NEK6: variants seen among roughly 807,000 people sequenced by gnomAD.
NEK6 encodes serine/threonine-protein kinase Nek6.
A neutral mutation model predicts 43.5 loss-of-function variants in NEK6; 27 were observed. That is an observed-to-expected ratio of 0.62 (90% CI 0.46 to 0.86). The LOEUF is 0.86. Ranked by LOEUF, NEK6 falls within the 40% of genes least tolerant of loss-of-function variation. The pLI is 0.00. For missense variants in NEK6, 318 were observed against 414.4 expected, an observed-to-expected ratio of 0.77 and a Z score of 2.02; for synonymous variants, 167 against 164.1, an observed-to-expected ratio of 1.02 and a Z score of -0.14.
chr9:124,267,741 C>T (rs530640739), intron 1 of NEK6, among the ~76,000 whole-genome samples: 14 of 152,318 alleles, frequency 9.2e-5, no homozygotes, highest in South Asian at 6.2e-4. Flanking sequence ...CAGCAAGGGA[C>T]GGCTGAGCAC....
chr9:124,262,024 A>G (rs1831051940), intron 1 of NEK6, among the ~76,000 whole-genome samples: 1 of 151,004 alleles, frequency 6.6e-6, no homozygotes, highest in Non-Finnish European at 1.5e-5. Context: ...TACATGGAAC[A>G]TGGAGCTCTG....
intron 1 of NEK6, chr9:124,292,955 A>G (rs1453763413): frequency 6.4e-7 from 1 of 1,572,442 alleles, no homozygotes; most frequent in African/African-American, 1.4e-5. Flanking sequence ...CCAGGAGAGA[A>G]GTTTGCTGGG....
chr9:124,301,373 A>C (rs979874426), intron 1 of NEK6, among the ~76,000 whole-genome samples: 8 of 152,166 alleles, frequency 5.3e-5, no homozygotes, highest in African/African-American at 1.7e-4. Flanking sequence ...ACAGAGGTCT[A>C]AGTAGGACGG....
chr9:124,335,035 T>G (rs1222922719), intron 7 of NEK6, among the ~76,000 whole-genome samples: 1 of 152,172 alleles, frequency 6.6e-6, no homozygotes, highest in Non-Finnish European at 1.5e-5. Context: ...TGTCTCTCAC[T>G]GGGGACAGGA....
chr9:124,302,012 C>T lies in NEK6; in HGVS notation c.48C>T (p.Asn16=), dbSNP rs145488745. ...GHMPHGGSSN[N]LCHTLGPVHP... ...TGCCCCATGGAGGGAGTTCCAACAA[C>T]CTCTGCCACACCCTGGGGCCTGTGC... The change falls in exon 2 of 10, where the codon AAC becomes AAT. Residue 16 remains asparagine (N), a synonymous_variant. Coordinates refer to ENST00000320246, the MANE Select transcript of NEK6 (RefSeq NM_014397.6). The T allele has an allele frequency of 5.6e-6, 9 of 1,606,518 alleles. No individual in the cohort carries two copies. The highest frequency in any genetic ancestry group is 7.6e-6 in the Non-Finnish European group (9 of 1,176,566).
intron 1 of NEK6, among the ~76,000 whole-genome samples, chr9:124,268,485 C>G (rs1452149078): frequency 6.6e-6 from 1 of 152,178 alleles, no homozygotes; most frequent in African/African-American, 2.4e-5. Context: ...ATTTAACAAC[C>G]ACCTACTGTG....
In NEK6 at chr9:124,316,311, T is replaced by C. The variant is rs192819103; in HGVS notation, c.294+2326T>C. 3.3e-5 allele frequency among the ~76,000 whole-genome samples: 5 copies of C among 152,386 alleles called. No homozygotes were observed. In the East Asian group the frequency reaches 9.6e-4, roughly 29 times the overall value. On this transcript the variant is annotated intron_variant, in intron 4 of 9. Transcript: ENST00000320246. ...AACGCAGGCGTGTGTTCATTCATTCTGTGCAATTTCTGATCACCACTGAAT... is the reference window on the plus strand; with the variant it reads ...AACGCAGGCGTGTGTTCATTCATTCCGTGCAATTTCTGATCACCACTGAAT...
intron 7 of NEK6, among the ~76,000 whole-genome samples, chr9:124,327,983 C>T (rs1224932157): frequency 3.3e-5 from 5 of 152,086 alleles, no homozygotes; most frequent in Middle Eastern, 3.2e-3. Flanking sequence ...CCTCGGTGTG[C>T]GGCTGAGCTT....
chr9:124,338,788 G>T (rs1008197652), intron 7 of NEK6, among the ~76,000 whole-genome samples: 1 of 152,166 alleles, frequency 6.6e-6, no homozygotes, highest in Non-Finnish European at 1.5e-5. Context: ...TGGAGATACT[G>T]CCTCATAGCA....
intron 9 of NEK6, 92 bp from the exon 10 acceptor site, chr9:124,350,745 G>A (rs1343491634): frequency 4.6e-6 from 4 of 867,684 alleles, no homozygotes; most frequent in African/African-American, 3.3e-5. Flanking sequence ...GTTGCTCTGA[G>A]GATGAAGTGC....
At position 124,326,207 on chromosome 9, in the gene NEK6, C is replaced by CT. The variant is rs1354764180; in HGVS notation, c.406-123_406-122insT. On this transcript the variant is annotated intron_variant, in intron 5 of 9. Transcript: ENST00000320246. This position sits in a 1 kb window ranked among gnomAD's most constrained non-coding sequence, Gnocchi z 4.5. Reference sequence around the variant, plus strand: ...TTGTTTGCTCAGTGGCTCAATCCCCCCCCCCCGCCCCTGCCAGGCACCAGT... The same window carrying CT: ...TTGTTTGCTCAGTGGCTCAATCCCCCTCCCCCCGCCCCTGCCAGGCACCAGT... The CT allele has an allele frequency of 1.1e-5, 2 of 182,516 alleles. No homozygotes were observed. Among genetic ancestry groups the CT allele is most frequent in the South Asian group, 4.8e-5 (1 of 20,740 alleles). 11.3% of individuals were successfully genotyped at this position (182,516 alleles called of 1,614,324 possible).
At position 124,258,056 on chromosome 9, in the gene NEK6, C is replaced by G. The variant is rs1170937380; in HGVS notation, c.-59C>G. 2 of 979,278 alleles carry G rather than the reference C, an allele frequency of 2.0e-6. No homozygotes were observed. Among genetic ancestry groups the G allele is most frequent in the East Asian group, 1.1e-4 (1 of 8,708 alleles). 60.7% of individuals were successfully genotyped at this position (979,278 alleles called of 1,614,324 possible). On this transcript the variant is annotated 5_prime_UTR_variant, in exon 1 of 10. Coordinates refer to ENST00000320246, the MANE Select transcript of NEK6 (RefSeq NM_014397.6). ...GCCCGCGGGCCAGCGCACCGGTCCC[C>G]CAGCGGCAGCCGAGCCCGCCCGCGC...
At chr9:124,305,553 C>CAAAAAA (rs11445181) in intron 2 of NEK6, among the ~76,000 whole-genome samples, 1 of 123,738 alleles carries the variant, frequency 8.1e-6, no homozygotes, top group African/African-American at 3.2e-5. Flanking sequence ...GACCCCATCT[C>CAAAAAA]AAAAAAAAAA....
intron 8 of NEK6, among the ~76,000 whole-genome samples, chr9:124,342,351 G>A (rs1412653975): frequency 3.9e-5 from 6 of 152,244 alleles, no homozygotes; most frequent in African/African-American, 1.2e-4. Flanking sequence ...GCACGTGTCT[G>A]TGTGTAGGCA....
chr9:124,331,897 C>T (rs1243385923), intron 7 of NEK6, among the ~76,000 whole-genome samples: 5 of 152,244 alleles, frequency 3.3e-5, no homozygotes, highest in Admixed American at 3.3e-4. Flanking sequence ...CCCAACAGTG[C>T]AGGATGCCTG....
chr9:124,322,277 A>G (rs1351376555), intron 5 of NEK6, among the ~76,000 whole-genome samples: 1 of 152,108 alleles, frequency 6.6e-6, no homozygotes, highest in East Asian at 1.9e-4. Context: ...TTCGAGTCAC[A>G]TGGGCAGGCT....
chr9:124,283,202 G>A (rs572950830), intron 1 of NEK6, among the ~76,000 whole-genome samples: 4 of 152,350 alleles, frequency 2.6e-5, no homozygotes, highest in Admixed American at 2.6e-4. Flanking sequence ...GGATGACAAG[G>A]CAAACCCTTC....
At chr9:124,272,204 G>T (rs566678086) in intron 1 of NEK6, among the ~76,000 whole-genome samples, 8 of 152,346 alleles carry the variant, frequency 5.3e-5, no homozygotes, top group African/African-American at 1.9e-4. Context: ...GCTCTGGGGA[G>T]CGCTTCCCCA....
chr9:124,262,429 A>G (rs1392554689), intron 1 of NEK6, among the ~76,000 whole-genome samples: 5 of 152,220 alleles, frequency 3.3e-5, no homozygotes. Context: ...GCATTTTGAC[A>G]TGTGTCCCTC....
Sources: allele counts gnomAD v4.1 joint callset (sites outside exome capture counted in the v4.1 genomes callset), GRCh38; gene constraint gnomAD v4.1.1; non-coding constraint Gnocchi (gnomAD v3.1); transcripts MANE v1.5; gene names NCBI Gene and HGNC (gene_info 2026-07-23, HGNC 2026-07-21).